COL15A1: variants seen among roughly 807,000 people sequenced by gnomAD.
COL15A1 encodes collagen alpha-1(XV) chain.
Under a neutral mutation model 165.9 loss-of-function variants are expected in COL15A1, and 111 were observed. The observed-to-expected ratio is 0.67, with a 90% CI of 0.57 to 0.78. The LOEUF (loss-of-function observed/expected upper bound fraction) is 0.78. Ranked by LOEUF, COL15A1 falls within the 30% of genes least tolerant of loss-of-function variation. COL15A1 has a pLI of 0.00. For missense variants in COL15A1, 1,745 were observed against 1,789.7 expected, an observed-to-expected ratio of 0.98 and a Z score of 0.45; for synonymous variants, 659 against 674.8, an observed-to-expected ratio of 0.98 and a Z score of 0.36.
rs1838700082 is a variant in COL15A1, at chr9:99,003,518, C to T, written c.1131C>T (p.Ala377=). ...TCAGCACTGCTGGAGAAGCAGAGGCCAGCAGTGTGCCCACCGGGGGACCAA... is the reference window on the plus strand; with the variant it reads ...TCAGCACTGCTGGAGAAGCAGAGGCTAGCAGTGTGCCCACCGGGGGACCAA... ...VPISTAGEAE[A]SSVPTGGPTL... is the part of the protein sequence containing the mutation. The change falls in exon 8 of 42, where the codon GCC becomes GCT. Residue 377 remains alanine (A), a synonymous_variant. Coordinates refer to ENST00000375001, the MANE Select transcript of COL15A1 (RefSeq NM_001855.5). 2 of 1,572,014 alleles carry T rather than the reference C, an allele frequency of 1.3e-6. No homozygotes were observed. Among genetic ancestry groups the T allele is most frequent in the African/African-American group, 1.4e-5 (1 of 73,056 alleles).
intron 36 of COL15A1, among the ~76,000 whole-genome samples, chr9:99,060,252 A>T (rs750052840): frequency 0.22 from 28,762 of 131,846 alleles, 3,359 homozygotes; most frequent in East Asian, 0.57. Context: ...ATATATATAT[A>T]TATATTTTTT....
At chr9:99,022,401 A>G (rs946042879) in intron 13 of COL15A1, among the ~76,000 whole-genome samples, 3 of 152,180 alleles carry the variant, frequency 2.0e-5, no homozygotes, top group Non-Finnish European at 4.4e-5. Flanking sequence ...CTCATTACCC[A>G]TGCCCCAGAC....
intron 15 of COL15A1, among the ~76,000 whole-genome samples, 197 bp downstream of exon 15, chr9:99,025,196 A>C (rs931975909): frequency 2.0e-5 from 3 of 152,196 alleles, no homozygotes; most frequent in African/African-American, 4.8e-5. Context: ...GAAAAACATC[A>C]TCCTACGTAT....
Position 98,950,586 on chromosome 9 carries a change from T to C in COL15A1, c.100+6336T>C, listed in dbSNP as rs148947104. On this transcript the variant is annotated intron_variant, in intron 2 of 41. Coordinates refer to ENST00000375001, the MANE Select transcript of COL15A1 (RefSeq NM_001855.5). ...TTCCTTCCTTCCTTCCTTCCTTCCT[T>C]CCTTCCTCCCTCCCTCCCTCTCTCT... 9.3e-3 allele frequency among the ~76,000 whole-genome samples: 550 copies of C among 59,140 alleles called. 5 individuals are homozygous for C. The highest frequency in any genetic ancestry group is 0.069 in the Admixed American group (340 of 4,956). The allele number at this position is 59,140 out of a possible 152,430, so 38.8% of individuals were successfully genotyped here.
At chr9:99,016,582 T>C (rs1469840828) in intron 11 of COL15A1, among the ~76,000 whole-genome samples, 1 of 152,180 alleles carries the variant, frequency 6.6e-6, no homozygotes, top group Non-Finnish European at 1.5e-5. Flanking sequence ...TCTGTGAAAA[T>C]GAGTGGCTGC....
intron 14 of COL15A1, among the ~76,000 whole-genome samples, chr9:99,024,224 T>A (rs1839076405): frequency 6.6e-6 from 1 of 151,526 alleles, no homozygotes; most frequent in Non-Finnish European, 1.5e-5. Context: ...AAAACACTAG[T>A]GCACTTCAGA....
Position 98,997,073 on chromosome 9 carries a change from C to G in COL15A1, c.944C>G (p.Pro315Arg). The change falls in exon 6 of 42, where the codon CCC becomes CGC. Residue 315 changes from proline to arginine, a missense_variant. Physicochemically the swap from Pro to Arg is moderately radical, Grantham distance 103. Transcript: ENST00000375001. ...TNMSIIQHSSPKQGSGEILND... is the reference protein window; with the variant it reads ...TNMSIIQHSSRKQGSGEILND... ...ATGAGCATCATCCAGCACAGCAGCCCCAAACAAGGCAAGTCCGGATGCACA... is the reference window on the plus strand; with the variant it reads ...ATGAGCATCATCCAGCACAGCAGCCGCAAACAAGGCAAGTCCGGATGCACA... The G allele has an allele frequency of 6.2e-7, 1 of 1,614,148 alleles. No individual in the cohort carries two copies.
At chr9:98,967,070 A>C (rs1837970029) in intron 2 of COL15A1, among the ~76,000 whole-genome samples, 1 of 152,204 alleles carries the variant, frequency 6.6e-6, no homozygotes, top group Admixed American at 6.5e-5. Flanking sequence ...AAGGTCTCAC[A>C]TTAGGGAGAT....
intron 30 of COL15A1, among the ~76,000 whole-genome samples, chr9:99,052,150 G>A (rs984877035): frequency 6.6e-6 from 1 of 152,172 alleles, no homozygotes; most frequent in Non-Finnish European, 1.5e-5. Flanking sequence ...TGGCCATTAG[G>A]CCTCAGCTCT....
At chr9:99,068,356 T>C (rs1404943466) in intron 40 of COL15A1, among the ~76,000 whole-genome samples, 199 bp from the exon 41 acceptor site, 1 of 151,012 alleles carries the variant, frequency 6.6e-6, no homozygotes, top group Non-Finnish European at 1.5e-5. Context: ...TCCCAGCTAC[T>C]CGGGAGGCTG....
intron 16 of COL15A1, among the ~76,000 whole-genome samples, chr9:99,029,270 C>T (rs1357967220): frequency 1.3e-5 from 2 of 152,192 alleles, no homozygotes; most frequent in Non-Finnish European, 2.9e-5. Context: ...CTTCAGTGTC[C>T]AGAATTACTG....
intron 9 of COL15A1, among the ~76,000 whole-genome samples, chr9:99,013,696 G>C (rs1036739703): frequency 1.2e-4 from 18 of 152,272 alleles, no homozygotes; most frequent in African/African-American, 4.3e-4. Flanking sequence ...AAGCCAAAGA[G>C]GTCAGGTCTT....
chr9:98,969,969 C>G (rs556891131), intron 2 of COL15A1, among the ~76,000 whole-genome samples: 1 of 151,812 alleles, frequency 6.6e-6, no homozygotes, highest in South Asian at 2.1e-4. Context: ...GTTTGTGCAG[C>G]CTCCCCATGC....
rs1401075265 is a variant in COL15A1, at chr9:98,984,108, C to T, written c.101-1457C>T. Among the ~76,000 whole-genome samples, 4 of 152,218 alleles carry T rather than the reference C, an allele frequency of 2.6e-5. No individual in the cohort carries two copies. In the East Asian group the frequency reaches 7.7e-4, roughly 29 times the overall value. On this transcript the variant is annotated intron_variant, in intron 2 of 41. Transcript: ENST00000375001. ...CTGGCCTCCAGAGGAGGACACTGCTCGATTCTGATCCTCACTCATTCCAGG... is the reference window on the plus strand; with the variant it reads ...CTGGCCTCCAGAGGAGGACACTGCTTGATTCTGATCCTCACTCATTCCAGG...
chr9:99,041,033 A>G (rs1262729109), intron 23 of COL15A1: 2 of 168,138 alleles, frequency 1.2e-5, no homozygotes, highest in East Asian at 1.6e-4. Flanking sequence ...GGCACATTTC[A>G]GAGCACACTT....
rs1256982151 is a variant in COL15A1 at position 99,069,726 on chromosome 9, A to G, written c.4007A>G (p.Asp1336Gly). The G allele has an allele frequency of 4.3e-6, 7 of 1,613,956 alleles. No individual in the cohort carries two copies. The East Asian group carries it at 1.1e-4, about 26-fold the overall frequency. Reference sequence around the variant, plus strand: ...AGCCCCCATGGCGTCCGCCTTGTGGATAACTACTGTGAAGCATGGCGAACC... The same window carrying G: ...AGCCCCCATGGCGTCCGCCTTGTGGGTAACTACTGTGAAGCATGGCGAACC... ...GSSPHGVRLV[D>G]NYCEAWRTAD... Residue 1336 changes from aspartate to glycine, a missense_variant, in exon 42 of 42, where the codon GAT becomes GGT. Physicochemically the swap from Asp to Gly is moderately conservative, Grantham distance 94 (BLOSUM62 -1). Transcript: ENST00000375001.
chr9:99,059,923 A>G lies in COL15A1; in HGVS notation c.3372A>G (p.Gly1124=). ...TTCCAGGTCCCCCTGGCCCTCCAGG[A>G]CAGCCAGGGCTTCCCGGATCCAGAA... The part of the protein sequence containing the change: ...VALPGPPGPP[G]QPGLPGSRNL... Residue 1124 remains glycine (G), a synonymous_variant, in exon 36 of 42, where the codon GGA becomes GGG. Coordinates refer to ENST00000375001, the MANE Select transcript of COL15A1 (RefSeq NM_001855.5). The G allele has an allele frequency of 6.2e-7, 1 of 1,614,008 alleles. No individual in the cohort carries two copies. The highest frequency in any genetic ancestry group is 8.5e-7 in the Non-Finnish European group (1 of 1,179,964).
intron 7 of COL15A1, among the ~76,000 whole-genome samples, chr9:99,001,234 C>T (rs1026393806): frequency 6.6e-6 from 1 of 152,178 alleles, no homozygotes; most frequent in African/African-American, 2.4e-5. Flanking sequence ...ACCCCGCCCT[C>T]CTGCTCAGTT....
At chr9:98,973,304 C>A (rs999528351) in intron 2 of COL15A1, among the ~76,000 whole-genome samples, 1 of 152,000 alleles carries the variant, frequency 6.6e-6, no homozygotes, top group Non-Finnish European at 1.5e-5. Context: ...CTTCATTGAA[C>A]AGGAAAATTC....
Sources: allele counts gnomAD v4.1 joint callset (sites outside exome capture counted in the v4.1 genomes callset), GRCh38; gene constraint gnomAD v4.1.1; transcripts MANE v1.5; gene names NCBI Gene and HGNC (gene_info 2026-07-23, HGNC 2026-07-21).